The following BBS9 variants were observed in gnomAD, a reference collection of about 807,000 sequenced individuals.
BBS9 encodes the protein Bardet-Biedl syndrome 9, also known as protein PTHB1.
In BBS9, 89 loss-of-function variants were observed where a neutral mutation model predicts 117.7. That is an observed-to-expected ratio of 0.76 (90% CI 0.64 to 0.90). The LOEUF (loss-of-function observed/expected upper bound fraction) is 0.90, where lower values mean the gene tolerates loss of function less well. BBS9 is among the 40% of genes least tolerant of loss of function. The pLI is 0.00. For missense variants in BBS9, 982 were observed against 1,042.2 expected (o/e 0.94, Z 0.80); for synonymous variants, 379 against 370.9 (o/e 1.02, Z -0.25).
At chr7:33,174,470 A>G (rs1797040346) in intron 4 of BBS9, among the ~76,000 whole-genome samples, 2 of 152,228 alleles carry the variant, frequency 1.3e-5, no homozygotes. Flanking sequence ...GCCACATAGT[A>G]GAAGATTTAT....
chr7:33,375,197 A>C (rs1823621336), intron 17 of BBS9, among the ~76,000 whole-genome samples: 1 of 152,150 alleles, frequency 6.6e-6, no homozygotes, highest in Admixed American at 6.5e-5. Context: ...TTGATCATCT[A>C]AATTTATTTT....
chr7:33,341,945 T>C (rs1264499570), intron 11 of BBS9, among the ~76,000 whole-genome samples: 1 of 152,108 alleles, frequency 6.6e-6, no homozygotes, highest in Non-Finnish European at 1.5e-5. Context: ...GTGTAGAAAT[T>C]GATCTGTGTA....
chr7:33,530,042 C>T (rs2129054796), intron 20 of BBS9, among the ~76,000 whole-genome samples: 1 of 152,320 alleles, frequency 6.6e-6, no homozygotes, highest in Middle Eastern at 3.4e-3. Context: ...CTAGATTCCA[C>T]AGTTTTATTT....
intron 19 of BBS9, among the ~76,000 whole-genome samples, chr7:33,433,561 C>G (rs1490457673): frequency 6.6e-6 from 1 of 152,134 alleles, no homozygotes; most frequent in Non-Finnish European, 1.5e-5. Flanking sequence ...ATGTATTATT[C>G]ATGCCATTCT....
In BBS9 at chr7:33,387,956, C is replaced by T. The variant is rs1478368461; in HGVS notation, c.1963-36C>T. On this transcript the variant is annotated intron_variant, in intron 18 of 22. Coordinates refer to ENST00000242067, the MANE Select transcript of BBS9 (RefSeq NM_198428.3). ...TTTTCTTTAAAGATGTTTTTTGTGT[C>T]CATTTAATCTCAATTTAAGAAATTA... The T allele has an allele frequency of 2.5e-6, 4 of 1,603,086 alleles. No individual in the cohort carries two copies. In the African/African-American group the frequency reaches 4.0e-5, roughly 16 times the overall value.
chr7:33,234,829 C>T (rs1439000502), intron 5 of BBS9, among the ~76,000 whole-genome samples: 1 of 151,958 alleles, frequency 6.6e-6, no homozygotes, highest in African/African-American at 2.4e-5. Flanking sequence ...GGCATAATGG[C>T]AGTCTCAAGG....
intron 21 of BBS9, among the ~76,000 whole-genome samples, chr7:33,574,684 AACACACACACACACAC>A (rs371229936): frequency 4.4e-5 from 6 of 137,568 alleles, no homozygotes; most frequent in South Asian, 5.1e-4. Context: ...AGTCATAGAA[AACACACACACACACAC>A]ACACACACAC....
intron 9 of BBS9, among the ~76,000 whole-genome samples, chr7:33,285,590 A>G (rs1477481061): frequency 6.6e-6 from 1 of 152,092 alleles, no homozygotes; most frequent in Non-Finnish European, 1.5e-5. Context: ...AAAGGTCTTT[A>G]TGAGATGACC....
intron 5 of BBS9, among the ~76,000 whole-genome samples, chr7:33,210,030 G>A (rs894733097): frequency 1.8e-4 from 27 of 152,044 alleles, no homozygotes; most frequent in Non-Finnish European, 2.9e-4. Flanking sequence ...GGCACTTATA[G>A]CTATAAAATT....
At chr7:33,429,165 A>G (rs1468321653) in intron 19 of BBS9, among the ~76,000 whole-genome samples, 2 of 152,014 alleles carry the variant, frequency 1.3e-5, no homozygotes, top group Admixed American at 6.6e-5. Flanking sequence ...ACATTGGCAT[A>G]TGTGTAGCAG....
chr7:33,597,108 C>CAT (rs1563424772), intron 21 of BBS9, among the ~76,000 whole-genome samples: 1 of 144,636 alleles, frequency 6.9e-6, no homozygotes, highest in Non-Finnish European at 1.5e-5. Context: ...CACACACACA[C>CAT]ACACAGTAAA....
rs757308943 is a variant in BBS9 at position 33,257,321 on chromosome 7, T to C, written c.528T>C (p.Pro176=). ...QESYAFGRFL[P]GFLLPGPLAY... is the part of the protein sequence containing the mutation. ...GCTATGCTTTTGGAAGATTTCTCCC[T>C]GGCTTTCTTCTGCCTGGTCCTCTTG... The change falls in exon 6 of 23, where the codon CCT becomes CCC. Residue 176 remains proline (P), a synonymous_variant. Coordinates refer to ENST00000242067, the MANE Select transcript of BBS9 (RefSeq NM_198428.3). The C allele has an allele frequency of 2.5e-6, 4 of 1,613,776 alleles. No homozygotes were observed. Among genetic ancestry groups the C allele is most frequent in the Middle Eastern group, 3.3e-4 (2 of 6,082 alleles).
At chr7:33,196,680 G>GT (rs1583577695) in intron 5 of BBS9, among the ~76,000 whole-genome samples, 1 of 152,090 alleles carries the variant, frequency 6.6e-6, no homozygotes, top group African/African-American at 2.4e-5. Flanking sequence ...AAGTGTAGGT[G>GT]TTTTATTATA....
intron 20 of BBS9, among the ~76,000 whole-genome samples, chr7:33,519,160 T>G (rs1848243479): frequency 6.6e-6 from 1 of 152,144 alleles, no homozygotes; most frequent in Non-Finnish European, 1.5e-5. Context: ...TTTAGACACG[T>G]TTTTCCCTGA....
intron 21 of BBS9, among the ~76,000 whole-genome samples, chr7:33,568,149 T>G (rs1317285226): frequency 6.6e-6 from 1 of 152,184 alleles, no homozygotes; most frequent in East Asian, 1.9e-4. Flanking sequence ...CCTCATGATT[T>G]CATCATTGCT....
intron 19 of BBS9, among the ~76,000 whole-genome samples, chr7:33,474,492 T>C (rs1841522825): frequency 6.6e-6 from 1 of 152,214 alleles, no homozygotes; most frequent in Admixed American, 6.5e-5. Context: ...TTTCCATGTC[T>C]CACTTTTCTT....
chr7:33,436,667 A>G (rs185414268), intron 19 of BBS9, among the ~76,000 whole-genome samples: 2 of 152,298 alleles, frequency 1.3e-5, no homozygotes, highest in African/African-American at 4.8e-5. Context: ...TCTGCCATCA[A>G]CTTTTTAGAT....
chr7:33,595,700 A>G (rs1247564094), intron 21 of BBS9, among the ~76,000 whole-genome samples: 1 of 152,202 alleles, frequency 6.6e-6, no homozygotes, highest in Non-Finnish European at 1.5e-5. Context: ...TACCCAAAGG[A>G]ATATAAATCA....
rs367758746 is a variant in BBS9 at position 33,461,631 on chromosome 7, A to G, written c.2116-43832A>G. On this transcript the variant is annotated intron_variant, in intron 19 of 22. Coordinates refer to ENST00000242067, the MANE Select transcript of BBS9 (RefSeq NM_198428.3). Reference sequence around the variant, plus strand: ...GTCAATTTAAATGTTCGGGCACAGTATCTATTTTCCATATGACTTCATGAA... The same window carrying G: ...GTCAATTTAAATGTTCGGGCACAGTGTCTATTTTCCATATGACTTCATGAA... 1.9e-3 allele frequency among the ~76,000 whole-genome samples: 285 copies of G among 152,102 alleles called. 5 individuals carry two copies. The South Asian group carries it at 0.039, about 21-fold the overall frequency.
Sources: allele counts gnomAD v4.1 joint callset (sites outside exome capture counted in the v4.1 genomes callset), GRCh38; gene constraint gnomAD v4.1.1; transcripts MANE v1.5; gene names NCBI Gene and HGNC (gene_info 2026-07-23, HGNC 2026-07-21).